RANBP2: variants seen among roughly 807,000 people sequenced by gnomAD.
RANBP2 encodes the protein E3 SUMO-protein ligase RanBP2.
A neutral mutation model predicts 303.6 loss-of-function variants in RANBP2; 57 were observed. The ratio of observed to expected loss-of-function variants is 0.19; its 90% CI spans 0.15 to 0.23. The LOEUF (loss-of-function observed/expected upper bound fraction) is 0.23, where lower values mean the gene tolerates loss of function less well. Among genes scored for constraint, RANBP2 ranks in the 10% least tolerant of loss-of-function variants. RANBP2 has a pLI of 1.00. For synonymous variants in RANBP2, 1,167 were observed against 1,301.5 expected, an observed-to-expected ratio of 0.90 and a Z score of 2.23; for missense variants, 3,138 against 3,780.8, an observed-to-expected ratio of 0.83 and a Z score of 4.46.
At chr2:109,614,119 A>G in the RANBP2 span, 17 of 1,206,952 alleles carry the variant, frequency 1.4e-5, no homozygotes, top group Non-Finnish European at 1.7e-5. Context: ...GGCGGGCTGA[A>G]GGAGAGCTGG....
At chr2:108,927,619 C>T in the RANBP2 span, among the ~76,000 whole-genome samples, 2 of 152,152 alleles carry the variant, frequency 1.3e-5, no homozygotes, top group East Asian at 3.9e-4. Context: ...CCTCTCCCTG[C>T]AGTAGGAATT....
the RANBP2 span, among the ~76,000 whole-genome samples, chr2:109,322,860 C>T: frequency 6.6e-6 from 1 of 152,184 alleles, no homozygotes; most frequent in Non-Finnish European, 1.5e-5. Flanking sequence ...TTATTGCTAT[C>T]AATTAAAGTT....
chr2:109,258,311 C>T, the RANBP2 span, among the ~76,000 whole-genome samples: 1 of 152,206 alleles, frequency 6.6e-6, no homozygotes, highest in Admixed American at 6.5e-5. Flanking sequence ...GACAGCCAGT[C>T]AGGAGGTCTT....
the RANBP2 span, among the ~76,000 whole-genome samples, chr2:108,933,762 A>C: frequency 6.6e-6 from 1 of 151,834 alleles, no homozygotes; most frequent in Non-Finnish European, 1.5e-5. Context: ...GCAGGCAGCG[A>C]CGGGAGATCG....
At chr2:109,206,792 G>A in the RANBP2 span, among the ~76,000 whole-genome samples, 1 of 152,182 alleles carries the variant, frequency 6.6e-6, no homozygotes, top group Non-Finnish European at 1.5e-5. Flanking sequence ...CTCCAGCCTG[G>A]GTGACAAGAG....
At chr2:109,633,114 G>A in the RANBP2 span, among the ~76,000 whole-genome samples, 2 of 152,226 alleles carry the variant, frequency 1.3e-5, no homozygotes, top group Non-Finnish European at 2.9e-5. Flanking sequence ...AGACAGGGAC[G>A]GTCGTGGTGG....
chr2:108,732,310 G>A (rs528989991), intron 4 of RANBP2, among the ~76,000 whole-genome samples: 3 of 152,150 alleles, frequency 2.0e-5, no homozygotes, highest in African/African-American at 7.2e-5. Context: ...TACAGGTTGA[G>A]CATTTAAAAT....
At chr2:109,527,188 T>C in the RANBP2 span, among the ~76,000 whole-genome samples, 2 of 152,236 alleles carry the variant, frequency 1.3e-5, no homozygotes, top group Admixed American at 1.3e-4. Context: ...TGTGTGTGCC[T>C]GAACCCAGCT....
At chr2:109,193,870 A>T in the RANBP2 span, among the ~76,000 whole-genome samples, 3 of 152,132 alleles carry the variant, frequency 2.0e-5, no homozygotes, top group Non-Finnish European at 1.5e-5. Context: ...GGGTTTTCTG[A>T]TAATCTCCGT....
chr2:108,803,795 G>C, the RANBP2 span, among the ~76,000 whole-genome samples: 1 of 152,154 alleles, frequency 6.6e-6, no homozygotes, highest in Admixed American at 6.5e-5. Context: ...GGTTTATTTA[G>C]GGCTTTTAGC....
At chr2:108,883,783 C>T in the RANBP2 span, 2 of 152,236 alleles carry the variant, frequency 1.3e-5, no homozygotes, top group Non-Finnish European at 2.9e-5. Flanking sequence ...AAGGGTCTGC[C>T]CCTCTTGGTT....
chr2:109,159,677 G>T, the RANBP2 span, among the ~76,000 whole-genome samples: 2 of 152,186 alleles, frequency 1.3e-5, no homozygotes, highest in African/African-American at 2.4e-5. Flanking sequence ...AGCGAGCAAA[G>T]CTATAGCTGT....
the RANBP2 span, among the ~76,000 whole-genome samples, chr2:109,675,197 C>T: frequency 6.6e-6 from 1 of 152,214 alleles, no homozygotes. Flanking sequence ...TTTTAAAGGG[C>T]CCTGGGTGCT....
the RANBP2 span, among the ~76,000 whole-genome samples, chr2:109,327,584 T>G: frequency 6.6e-6 from 1 of 152,242 alleles, no homozygotes; most frequent in African/African-American, 2.4e-5. Flanking sequence ...ATTACAGCTT[T>G]TCTGAGTCCT....
the RANBP2 span, among the ~76,000 whole-genome samples, chr2:109,500,439 G>T: frequency 2.0e-5 from 3 of 152,152 alleles, no homozygotes; most frequent in Non-Finnish European, 2.9e-5. Flanking sequence ...ATGCAGGGAA[G>T]ACCCCAGGGA....
At chr2:108,908,926 A>C in the RANBP2 span, among the ~76,000 whole-genome samples, 1 of 152,116 alleles carries the variant, frequency 6.6e-6, no homozygotes, top group South Asian at 2.1e-4. Context: ...CTTCCTCATC[A>C]GGCTTCAGGG....
the RANBP2 span, among the ~76,000 whole-genome samples, chr2:109,684,973 C>T: frequency 6.6e-6 from 1 of 151,966 alleles, no homozygotes; most frequent in African/African-American, 2.4e-5. Context: ...TCCCAAGTTC[C>T]AGCGATTCTC....
the RANBP2 span, among the ~76,000 whole-genome samples, chr2:109,521,842 A>T: frequency 6.6e-6 from 1 of 152,094 alleles, no homozygotes; most frequent in African/African-American, 2.4e-5. Context: ...TTACCTAAGT[A>T]CCTCTCATTA....
the RANBP2 span, among the ~76,000 whole-genome samples, chr2:109,727,029 G>T: frequency 2.0e-5 from 3 of 152,190 alleles, no homozygotes; most frequent in African/African-American, 7.2e-5. Context: ...ACAGTTGGAG[G>T]CGCGTGGGGG....
Sources: allele counts gnomAD v4.1 joint callset (sites outside exome capture counted in the v4.1 genomes callset), GRCh38; gene constraint gnomAD v4.1.1; transcripts MANE v1.5; gene names NCBI Gene and HGNC (gene_info 2026-07-23, HGNC 2026-07-21).